ZNF254: variants seen among roughly 807,000 people sequenced by gnomAD.
The protein encoded by ZNF254 is CTD-2017D11.1.
In ZNF254, 10 loss-of-function variants were observed where a neutral mutation model predicts 12.4. The observed-to-expected ratio is 0.80, with a 90% CI of 0.50 to 1.36. The LOEUF is 1.36. ZNF254 is among the 40% of genes most tolerant of loss of function. The pLI is 0.00. For synonymous variants in ZNF254, 305 were observed against 253.4 expected (o/e 1.20, Z -1.93); for missense variants, 996 against 763.9 (o/e 1.30, Z -3.58).
At chr19:24,053,312 G>C (rs1466662642) in intron 2 of ZNF254, among the ~76,000 whole-genome samples, 1 of 152,162 alleles carries the variant, frequency 6.6e-6, no homozygotes, top group African/African-American at 2.4e-5. Flanking sequence ...CCAACATACA[G>C]AGGGTATTTT....
intron 2 of ZNF254, chr19:24,064,705 G>A (rs1971206435): frequency 6.6e-6 from 1 of 151,996 alleles, no homozygotes; most frequent in African/African-American, 2.4e-5. Context: ...TTTTCTAATT[G>A]TAGTAGAGAT....
At chr19:24,109,132 G>A (rs1973510503) in intron 3 of ZNF254, among the ~76,000 whole-genome samples, 1 of 152,130 alleles carries the variant, frequency 6.6e-6, no homozygotes, top group Non-Finnish European at 1.5e-5. Context: ...TTCTAAACTT[G>A]GATTACAGTA....
chr19:24,110,426 G>A (rs1466840482), intron 3 of ZNF254, among the ~76,000 whole-genome samples: 1 of 151,960 alleles, frequency 6.6e-6, no homozygotes, highest in Admixed American at 6.6e-5. Context: ...AAATAGCCAG[G>A]CATGGTGGTG....
intron 2 of ZNF254, among the ~76,000 whole-genome samples, chr19:24,070,953 C>T (rs557991338): frequency 1.6e-4 from 25 of 152,300 alleles, no homozygotes; most frequent in African/African-American, 6.0e-4. Flanking sequence ...TATGAATCTC[C>T]TACCTATATC....
At chr19:24,049,048 G>A (rs1191964123) in intron 2 of ZNF254, 1 of 150,158 alleles carries the variant, frequency 6.7e-6, no homozygotes, top group Non-Finnish European at 1.5e-5. Context: ...CACCATGCCT[G>A]GTTCTATCTC....
At chr19:24,049,214 A>ATTTTTTTTTTT (rs66491625) in intron 2 of ZNF254, among the ~76,000 whole-genome samples, 9 of 40,868 alleles carry the variant, frequency 2.2e-4, no homozygotes, top group African/African-American at 8.2e-4. Flanking sequence ...ATATATATAT[A>ATTTTTTTTTTT]TTTTTTTTTT....
chr19:24,083,777 C>T (rs1971932377), upstream of ZNF254, among the ~76,000 whole-genome samples: 2 of 152,054 alleles, frequency 1.3e-5, no homozygotes, highest in South Asian at 2.1e-4. Context: ...CAAATCAAAA[C>T]CACAATGTGA....
intron 1 of ZNF254, among the ~76,000 whole-genome samples, chr19:24,043,760 ATACT>A (rs1970267339): frequency 6.6e-6 from 1 of 152,174 alleles, no homozygotes; most frequent in Admixed American, 6.5e-5. Flanking sequence ...TCATGTGTAC[ATACT>A]TACCATTTCT....
At chr19:24,118,530 A>G (rs1974265793) in intron 3 of ZNF254, among the ~76,000 whole-genome samples, 1 of 151,956 alleles carries the variant, frequency 6.6e-6, no homozygotes, top group African/African-American at 2.4e-5. Context: ...ATGTATTTCA[A>G]TTATTTTCCT....
rs765812099 is a variant in ZNF254 at position 24,126,979 on chromosome 19, T to C, written c.979T>C (p.Cys327Arg). Residue 327 changes from cysteine (C) to arginine (R), a missense_variant, in exon 4 of 4, where the codon TGT (cysteine) becomes CGT (arginine). Physicochemically the swap from Cys to Arg is radical, Grantham distance 180. Transcript: ENST00000357002. ...TRKKPYKCEE[C>R]GKAFIWSSTL... Reference sequence around the variant, plus strand: ...AAAGAAACCCTACAAGTGTGAAGAATGTGGCAAAGCATTTATATGGTCCTC... The same window carrying C: ...AAAGAAACCCTACAAGTGTGAAGAACGTGGCAAAGCATTTATATGGTCCTC... 1 of 1,613,680 alleles carries C rather than the reference T, an allele frequency of 6.2e-7. No homozygotes were observed. Among genetic ancestry groups the C allele is most frequent in the East Asian group, 2.2e-5 (1 of 44,806 alleles).
At chr19:24,108,454 G>C (rs1349157670) in intron 3 of ZNF254, among the ~76,000 whole-genome samples, 1 of 152,188 alleles carries the variant, frequency 6.6e-6, no homozygotes, top group Non-Finnish European at 1.5e-5. Context: ...TTGGGCTTTA[G>C]CAGAGTTTCA....
chr19:24,041,601 C>T (rs1368162523), intron 1 of ZNF254, among the ~76,000 whole-genome samples: 1 of 152,258 alleles, frequency 6.6e-6, no homozygotes, highest in Non-Finnish European at 1.5e-5. Flanking sequence ...CTCCCACCCA[C>T]TCCATGGGCT....
intron 1 of ZNF254, among the ~76,000 whole-genome samples, chr19:24,087,922 T>C (rs76902776): frequency 1.3e-5 from 2 of 150,586 alleles, no homozygotes; most frequent in African/African-American, 2.4e-5. Flanking sequence ...TTTTTTTTTT[T>C]TTCTTTTTTT....
At chr19:24,034,496 T>G (rs1197387758) in intron 1 of ZNF254, among the ~76,000 whole-genome samples, 3 of 134,414 alleles carry the variant, frequency 2.2e-5, no homozygotes, top group African/African-American at 5.4e-5. Context: ...GGGTTTTTTT[T>G]TTTTTTTTTT....
intron 3 of ZNF254, among the ~76,000 whole-genome samples, chr19:24,124,170 A>T (rs1438025591): frequency 6.6e-6 from 1 of 152,074 alleles, no homozygotes; most frequent in Admixed American, 6.5e-5. Flanking sequence ...GGGATTACAT[A>T]TAACCTCTAA....
chr19:24,097,199 A>T (rs1972724462), intron 1 of ZNF254, among the ~76,000 whole-genome samples: 1 of 152,158 alleles, frequency 6.6e-6, no homozygotes, highest in African/African-American at 2.4e-5. Context: ...TTGGCAAGAG[A>T]TTATTCTTAT....
upstream of ZNF254, among the ~76,000 whole-genome samples, chr19:24,082,577 G>A: frequency 7.9e-6 from 1 of 127,264 alleles, no homozygotes; most frequent in Non-Finnish European, 1.6e-5. Flanking sequence ...TTGAACCTGG[G>A]AGGCGGAGGT....
intron 2 of ZNF254, among the ~76,000 whole-genome samples, chr19:24,058,765 T>C (rs1411081700): frequency 1.3e-5 from 2 of 152,156 alleles, no homozygotes; most frequent in Non-Finnish European, 2.9e-5. Context: ...TTGTAAAATA[T>C]TGCTGCCATC....
chr19:24,087,619 G>A (rs1335453506), intron 1 of ZNF254, among the ~76,000 whole-genome samples: 1 of 152,206 alleles, frequency 6.6e-6, no homozygotes, highest in African/African-American at 2.4e-5. Context: ...AGGGACCCGG[G>A]GAGGGTCGTC....
Sources: gnomAD v4.1 joint callset for allele counts (sites outside exome capture counted in the v4.1 genomes callset) on GRCh38, gnomAD v4.1.1 for gene constraint, MANE v1.5 for transcripts, NCBI Gene and HGNC (gene_info 2026-07-23, HGNC 2026-07-21) for gene names.